ESRRB: variants seen among roughly 807,000 people sequenced by gnomAD.
ESRRB encodes the protein estrogen related receptor beta.
In ESRRB, 16 loss-of-function variants were observed where a neutral mutation model predicts 46.0. That is an observed-to-expected ratio of 0.35 (90% confidence interval 0.24 to 0.53). The LOEUF is 0.53. Ranked by LOEUF, ESRRB falls within the 20% of genes least tolerant of loss-of-function variation. ESRRB has a pLI of 0.93. For missense variants in ESRRB, 488 were observed against 607.4 expected (o/e 0.80, Z 2.07); for synonymous variants, 246 against 259.6 (o/e 0.95, Z 0.50).
chr14:76,462,493 T>C, intron 2 of ESRRB, 52 bp from the exon 3 acceptor site: 43 of 1,412,598 alleles, frequency 3.0e-5, no homozygotes, highest in Non-Finnish European at 4.3e-5. Context: ...CGCTGGCAGG[T>C]GGGGGCCCTG....
chr14:76,448,556 G>A (rs896933461), intron 2 of ESRRB, among the ~76,000 whole-genome samples: 15 of 150,656 alleles, frequency 1.0e-4, no homozygotes, highest in African/African-American at 3.2e-4. Context: ...GACTGCTCTC[G>A]AACTCCTGGT....
chr14:76,469,925 TGTTG>T (rs1168170753), intron 3 of ESRRB, among the ~76,000 whole-genome samples: 93 of 134,368 alleles, frequency 6.9e-4, no homozygotes, highest in East Asian at 2.3e-3. Context: ...CTGTGTTTTT[TGTTG>T]TTTTTTTTTT....
At chr14:76,483,902 G>A (rs1889903785) in intron 5 of ESRRB, among the ~76,000 whole-genome samples, 1 of 152,180 alleles carries the variant, frequency 6.6e-6, no homozygotes, top group Non-Finnish European at 1.5e-5. Flanking sequence ...TACCCAGGCT[G>A]GAGTGTAATG....
chr14:76,475,098 A>T (rs1045166340), intron 3 of ESRRB, among the ~76,000 whole-genome samples: 1 of 152,094 alleles, frequency 6.6e-6, no homozygotes, highest in Non-Finnish European at 1.5e-5. Context: ...TCTGGGTGTC[A>T]TGGCATGTGC....
At chr14:76,473,967 G>C (rs1381062596) in intron 3 of ESRRB, among the ~76,000 whole-genome samples, 1 of 152,206 alleles carries the variant, frequency 6.6e-6, no homozygotes. Flanking sequence ...CCACAGGCAC[G>C]AGGGGCACCA....
chr14:76,393,967 A>ATTTTTTTTTTTTTTTTTT (rs71122531), intron 1 of ESRRB, among the ~76,000 whole-genome samples: 8 of 126,982 alleles, frequency 6.3e-5, no homozygotes, highest in Admixed American at 8.2e-5. Flanking sequence ...TGCCTGGCTA[A>ATTTTTTTTTTTTTTTTTT]TTTTTTTTTT....
chr14:76,425,383 C>T (rs1273218484), intron 1 of ESRRB, among the ~76,000 whole-genome samples: 1 of 152,158 alleles, frequency 6.6e-6, no homozygotes, highest in African/African-American at 2.4e-5. Flanking sequence ...CTTTATAAGG[C>T]AGGTAGCCAC....
chr14:76,333,710 T>G (rs544369185), intron 1 of ESRRB, among the ~76,000 whole-genome samples: 31 of 151,954 alleles, frequency 2.0e-4, no homozygotes, highest in Admixed American at 3.3e-4. Flanking sequence ...AATATTATCA[T>G]TTCGACATAT....
At chr14:76,425,859 G>A (rs998028376) in intron 1 of ESRRB, among the ~76,000 whole-genome samples, 2 of 152,082 alleles carry the variant, frequency 1.3e-5, no homozygotes, top group Non-Finnish European at 2.9e-5. Flanking sequence ...GAGTAGCTGG[G>A]ATTACAGGTG....
intron 1 of ESRRB, among the ~76,000 whole-genome samples, chr14:76,363,076 CAAG>C (rs1884482621): frequency 6.6e-6 from 1 of 152,140 alleles, no homozygotes; most frequent in Non-Finnish European, 1.5e-5. Flanking sequence ...ATGGTGACAG[CAAG>C]AAGTGCATCT....
At chr14:76,364,244 T>C (rs1884496287) in intron 1 of ESRRB, among the ~76,000 whole-genome samples, 1 of 152,210 alleles carries the variant, frequency 6.6e-6, no homozygotes, top group African/African-American at 2.4e-5. Flanking sequence ...TTTCTGTCTT[T>C]ATTGCTGATA....
At chr14:76,314,716 G>C (rs1176795821) in intron 1 of ESRRB, among the ~76,000 whole-genome samples, 1 of 152,118 alleles carries the variant, frequency 6.6e-6, no homozygotes, top group Non-Finnish European at 1.5e-5. Flanking sequence ...TCTCCAGCCA[G>C]AGAAGCAACT....
chr14:76,476,302 C>T (rs1448455713), intron 3 of ESRRB, among the ~76,000 whole-genome samples: 1 of 152,052 alleles, frequency 6.6e-6, no homozygotes, highest in African/African-American at 2.4e-5. Context: ...GTATTTATTG[C>T]AGTATTTGGA....
At chr14:76,384,563 G>T (rs1254204560) in intron 1 of ESRRB, among the ~76,000 whole-genome samples, 1 of 152,128 alleles carries the variant, frequency 6.6e-6, no homozygotes, top group African/African-American at 2.4e-5. Context: ...CCTGAGAAAA[G>T]CTGGGTGCTT....
intron 5 of ESRRB, among the ~76,000 whole-genome samples, chr14:76,483,257 T>C (rs909586784): frequency 5.3e-5 from 8 of 152,344 alleles, no homozygotes; most frequent in South Asian, 2.1e-4. Context: ...GTAGGCCACC[T>C]GACCTCTCTG....
At chr14:76,486,305 T>A (rs1183194650) in intron 5 of ESRRB, among the ~76,000 whole-genome samples, 2 of 152,130 alleles carry the variant, frequency 1.3e-5, no homozygotes, top group Non-Finnish European at 2.9e-5. Context: ...TCCACCACCC[T>A]GCCCTGCCCA....
intron 1 of ESRRB, among the ~76,000 whole-genome samples, chr14:76,436,391 T>C (rs529826118): frequency 6.6e-6 from 1 of 152,300 alleles, no homozygotes; most frequent in African/African-American, 2.4e-5. Flanking sequence ...GTAATTACTG[T>C]TTATGTCAAG....
intron 1 of ESRRB, among the ~76,000 whole-genome samples, chr14:76,436,251 T>C (rs1291870277): frequency 6.6e-6 from 1 of 152,208 alleles, no homozygotes; most frequent in Non-Finnish European, 1.5e-5. Context: ...GGGAAAACTG[T>C]GGCCTGCCCT....
At chr14:76,310,982 C>CTCTT (rs1376603358) in intron 1 of ESRRB, 2 of 135,696 alleles carry the variant, frequency 1.5e-5, no homozygotes, top group Non-Finnish European at 2.7e-5. Context: ...TCCCCTTTCT[C>CTCTT]TCTCTCTCTC....
Sources: gnomAD v4.1 joint callset for allele counts (sites outside exome capture counted in the v4.1 genomes callset) on GRCh38, gnomAD v4.1.1 for gene constraint, MANE v1.5 for transcripts, NCBI Gene and HGNC (gene_info 2026-07-23, HGNC 2026-07-21) for gene names.